Variants in ATP8A1 observed in about 807,000 individuals in gnomAD.
ATP8A1 encodes phospholipid-transporting ATPase IA.
A neutral mutation model predicts 177.7 loss-of-function variants in ATP8A1; 90 were observed. That is an observed-to-expected ratio of 0.51 (90% CI 0.43 to 0.60). The LOEUF is 0.60. ATP8A1 is among the 20% of genes least tolerant of loss of function. The pLI is 0.00. For missense variants in ATP8A1, 1,072 were observed against 1,392.8 expected (o/e 0.77, Z 3.67); for synonymous variants, 493 against 485.9 (o/e 1.01, Z -0.19).
At chr4:42,548,987 T>C (rs1202913506) in intron 19 of ATP8A1, 26 bp downstream of exon 19, 3 of 1,571,166 alleles carry the variant, frequency 1.9e-6, no homozygotes, top group Non-Finnish European at 1.7e-6. Flanking sequence ...ATCTTATCCA[T>C]ACAAATCACT....
intron 24 of ATP8A1, among the ~76,000 whole-genome samples, chr4:42,502,536 A>G (rs1241437993): frequency 6.6e-6 from 1 of 152,208 alleles, no homozygotes; most frequent in Non-Finnish European, 1.5e-5. Context: ...CCAGACAGAA[A>G]GGATACCAGA....
At chr4:42,453,506 T>C (rs1017819062) in intron 29 of ATP8A1, among the ~76,000 whole-genome samples, 12 of 152,108 alleles carry the variant, frequency 7.9e-5, no homozygotes, top group Non-Finnish European at 1.2e-4. Flanking sequence ...CTACAGATAA[T>C]GAAAAGACTT....
intron 16 of ATP8A1, among the ~76,000 whole-genome samples, chr4:42,555,103 ATCT>A (rs1309351805): frequency 2.2e-5 from 2 of 90,202 alleles, no homozygotes; most frequent in Non-Finnish European, 4.5e-5. Context: ...CTATCTATCT[ATCT>A]ATCTATCTAT....
intron 13 of ATP8A1, among the ~76,000 whole-genome samples, chr4:42,574,989 C>G (rs898748906): frequency 1.3e-5 from 2 of 152,208 alleles, no homozygotes; most frequent in African/African-American, 4.8e-5. Flanking sequence ...GCCACTACCA[C>G]TACTTAACAT....
chr4:42,527,765 A>T (rs986027726), intron 20 of ATP8A1, among the ~76,000 whole-genome samples: 3 of 142,126 alleles, frequency 2.1e-5, no homozygotes, highest in African/African-American at 9.3e-5. Flanking sequence ...TGGATAAAAG[A>T]CTAATTTTGA....
chr4:42,605,043 G>A (rs1735656127), intron 5 of ATP8A1, among the ~76,000 whole-genome samples: 1 of 152,182 alleles, frequency 6.6e-6, no homozygotes, highest in African/African-American at 2.4e-5. Context: ...CTGTTTACAT[G>A]TATAGGGTTT....
At chr4:42,556,070 A>G (rs1012464907) in intron 15 of ATP8A1, 30 bp from the exon 16 acceptor site, 1 of 1,521,840 alleles carries the variant, frequency 6.6e-7, no homozygotes, top group Non-Finnish European at 9.1e-7. Context: ...GAGTAAACCC[A>G]GTTCATTTAT....
chr4:42,630,624 C>A (rs182454192), intron 1 of ATP8A1, among the ~76,000 whole-genome samples: 4 of 152,304 alleles, frequency 2.6e-5, no homozygotes, highest in African/African-American at 9.6e-5. Context: ...CTAGCACAAT[C>A]TTGTGCAAAG....
chr4:42,613,725 A>C (rs1736609499), intron 5 of ATP8A1, among the ~76,000 whole-genome samples: 1 of 152,016 alleles, frequency 6.6e-6, no homozygotes, highest in Non-Finnish European at 1.5e-5. Flanking sequence ...CTGGGATTAC[A>C]GGCGCCTGCC....
At chr4:42,564,261 C>T (rs369591501) in intron 15 of ATP8A1, among the ~76,000 whole-genome samples, 18 of 152,192 alleles carry the variant, frequency 1.2e-4, no homozygotes, top group Admixed American at 3.3e-4. Context: ...AGAGCCCCCC[C>T]CAACAGAGTC....
chr4:42,564,536 G>T (rs1301221957), intron 15 of ATP8A1, among the ~76,000 whole-genome samples: 1 of 152,200 alleles, frequency 6.6e-6, no homozygotes, highest in Non-Finnish European at 1.5e-5. Context: ...AGATTTGACT[G>T]CCCTGCTGGA....
chr4:42,471,012 A>T (rs1458936584), intron 25 of ATP8A1, among the ~76,000 whole-genome samples: 1 of 152,224 alleles, frequency 6.6e-6, no homozygotes, highest in Non-Finnish European at 1.5e-5. Context: ...TTCTGAACTA[A>T]AATTTGGCAG....
At chr4:42,478,569 A>C (rs1721330750) in intron 25 of ATP8A1, among the ~76,000 whole-genome samples, 2 of 27,152 alleles carry the variant, frequency 7.4e-5, no homozygotes, top group African/African-American at 1.3e-4. Flanking sequence ...CACACAAAAA[A>C]AAAACCACAT....
chr4:42,605,729 C>T (rs572945030), intron 5 of ATP8A1, among the ~76,000 whole-genome samples: 3 of 152,248 alleles, frequency 2.0e-5, no homozygotes, highest in South Asian at 2.1e-4. Flanking sequence ...CGACCTTTTG[C>T]GAATCTTTGT....
intron 11 of ATP8A1, 98 bp downstream of exon 11, chr4:42,579,715 C>T (rs888195442): frequency 1.8e-6 from 2 of 1,130,178 alleles, no homozygotes; most frequent in African/African-American, 3.2e-5. Context: ...GCAACAAGGT[C>T]TTTTTAGAAA....
chr4:42,490,790 C>G (rs1025083650), intron 24 of ATP8A1, among the ~76,000 whole-genome samples: 1 of 152,140 alleles, frequency 6.6e-6, no homozygotes, highest in Non-Finnish European at 1.5e-5. Context: ...CCCTACTTTC[C>G]CTGAGTCCTC....
At chr4:42,413,106 C>T (rs1163652554) in intron 36 of ATP8A1, 93 bp from the exon 37 acceptor site, 1 of 926,134 alleles carries the variant, frequency 1.1e-6, no homozygotes, top group South Asian at 1.5e-5. Flanking sequence ...GCCTGGGGAA[C>T]AAATGCAGCC....
At chr4:42,440,288 G>C (rs887828605) in intron 33 of ATP8A1, among the ~76,000 whole-genome samples, 12 of 150,464 alleles carry the variant, frequency 8.0e-5, no homozygotes, top group African/African-American at 2.9e-4. Context: ...GAGTCCTACA[G>C]CGAAAATATA....
At chr4:42,417,445 C>T (rs1713370524) in intron 35 of ATP8A1, among the ~76,000 whole-genome samples, 1 of 151,984 alleles carries the variant, frequency 6.6e-6, no homozygotes, top group Non-Finnish European at 1.5e-5. Flanking sequence ...ACATACCAAG[C>T]TATGTAAATT....
Sources: allele counts gnomAD v4.1 joint callset (sites outside exome capture counted in the v4.1 genomes callset), GRCh38; gene constraint gnomAD v4.1.1; transcripts MANE v1.5; gene names NCBI Gene and HGNC (gene_info 2026-07-23, HGNC 2026-07-21).